TTLL4: variants seen among roughly 807,000 people sequenced by gnomAD.
TTLL4 encodes tubulin tyrosine ligase like 4, also known as tubulin monoglutamylase TTLL4.
In TTLL4, 85 loss-of-function variants were observed where a neutral mutation model predicts 122.7. The ratio of observed to expected loss-of-function variants is 0.69; its 90% CI spans 0.58 to 0.83. The LOEUF is 0.83. Among genes scored for constraint, TTLL4 ranks in the 40% least tolerant of loss-of-function variants. TTLL4 has a pLI of 0.00. For synonymous variants in TTLL4, 553 were observed against 563.0 expected (o/e 0.98, Z 0.25); for missense variants, 1,363 against 1,488.6 (o/e 0.92, Z 1.39).
downstream of TTLL4, among the ~76,000 whole-genome samples, chr2:218,758,676 C>T (rs1943192416): frequency 6.6e-6 from 1 of 152,142 alleles, no homozygotes; most frequent in Admixed American, 6.6e-5. Flanking sequence ...GTGGCTCAAA[C>T]TTAAAAGATT....
Position 218,737,700 on chromosome 2 carries a change from C to T in TTLL4, c.24C>T (p.His8=). The T allele has an allele frequency of 1.2e-6, 2 of 1,609,916 alleles. No individual in the cohort carries two copies. The highest frequency in any genetic ancestry group is 1.7e-6 in the Non-Finnish European group (2 of 1,177,890). The change falls in exon 3 of 20, where the codon CAC becomes CAT. Residue 8 remains histidine, a synonymous_variant. Coordinates refer to ENST00000392102, the MANE Select transcript of TTLL4 (RefSeq NM_014640.5). Reference sequence around the variant, plus strand: ...TCATGGCCTCAGCAGGAACACAGCACTATAGTATTGGCCTCCGCCAGAAAA... The same window carrying T: ...TCATGGCCTCAGCAGGAACACAGCATTATAGTATTGGCCTCCGCCAGAAAA... MASAGTQ[H]YSIGLRQKNS...
At position 218,745,149 on chromosome 2, in the gene TTLL4, G is replaced by A. The variant is rs1330097384; in HGVS notation, c.1702G>A (p.Glu568Lys). The change falls in exon 6 of 20, where the codon GAG becomes AAG. Residue 568 changes from glutamate (E) to lysine (K), a missense_variant. Coordinates refer to ENST00000392102, the MANE Select transcript of TTLL4 (RefSeq NM_014640.5). ...TCTGACCAAACCCCTTTCCAATCAT[G>A]AGAAAGTTGTCCGACCAGCCCTCAT... Reference protein sequence around the residue: ...EILTKPLSNHEKVVRPALIYS... With the variant: ...EILTKPLSNHKKVVRPALIYS... 1 of 1,613,908 alleles carries A rather than the reference G, an allele frequency of 6.2e-7. No homozygotes were observed. The highest frequency in any genetic ancestry group is 1.1e-5 in the South Asian group (1 of 91,082).
At chr2:218,714,761 A>G (rs1941810193) in intron 1 of TTLL4, among the ~76,000 whole-genome samples, 4 of 151,918 alleles carry the variant, frequency 2.6e-5, no homozygotes, top group Middle Eastern at 3.4e-3. Flanking sequence ...ATATATTTCA[A>G]TATTCAATTT....
At chr2:218,711,249 C>T (rs113694934) in intron 1 of TTLL4, among the ~76,000 whole-genome samples, 1,776 of 152,322 alleles carry the variant, frequency 0.012, 35 homozygotes, top group African/African-American at 0.04. Flanking sequence ...TCCTCGGAGC[C>T]CTTCTCCTCT....
Position 218,737,699 on chromosome 2 carries a change from A to G in TTLL4, c.23A>G (p.His8Arg), listed in dbSNP as rs757483368. ...CTCATGGCCTCAGCAGGAACACAGCACTATAGTATTGGCCTCCGCCAGAAA... is the reference window on the plus strand; with the variant it reads ...CTCATGGCCTCAGCAGGAACACAGCGCTATAGTATTGGCCTCCGCCAGAAA... MASAGTQ[H>R]YSIGLRQKNS... Residue 8 changes from histidine (H) to arginine (R), a missense_variant, in exon 3 of 20, where the codon CAC becomes CGC. By Grantham distance (29) the His-to-Arg change is conservative. Coordinates refer to ENST00000392102, the MANE Select transcript of TTLL4 (RefSeq NM_014640.5). 3.1e-6 allele frequency: 5 copies of G among 1,609,278 alleles called. No homozygotes were observed. Among genetic ancestry groups the G allele is most frequent in the African/African-American group, 2.7e-5 (2 of 74,820 alleles).
Position 218,753,663 on chromosome 2 carries a change from A to G in TTLL4, c.3338A>G (p.Lys1113Arg). Residue 1113 changes from lysine (K) to arginine (R), a missense_variant, in exon 19 of 20, where the codon AAG becomes AGG. This residue lies in a region of TTLL4 where 596 missense variants were observed against 655.8 expected (regional missense o/e 0.91). Transcript: ENST00000392102. ...GCCTTCAGCAAATCAGAGACTAGCA[A>G]GCTGGGGTGAGTGCTGCCTGGGCAA... ...LNAFSKSETS[K>R]LGKQSSCEVS... 6.2e-7 allele frequency: 1 copy of G among 1,614,046 alleles called. No individual in the cohort carries two copies. The highest frequency in any genetic ancestry group is 8.5e-7 in the Non-Finnish European group (1 of 1,180,022).
chr2:218,748,654 C>CAAAAAAAA, intron 12 of TTLL4, 182 bp from the exon 13 acceptor site: 2 of 229,610 alleles, frequency 8.7e-6, no homozygotes, highest in Non-Finnish European at 7.7e-6. Context: ...AACTCCATCT[C>CAAAAAAAA]AAAAAAAAAA....
intron 17 of TTLL4, 54 bp from the exon 18 acceptor site, chr2:218,753,061 T>C (rs943985844): frequency 3.1e-6 from 5 of 1,612,856 alleles, no homozygotes; most frequent in East Asian, 2.2e-5. Context: ...CTGGAAAGAA[T>C]TGGCCAATTG....
chr2:218,717,906 C>T (rs1200467344), intron 1 of TTLL4, among the ~76,000 whole-genome samples: 1 of 151,996 alleles, frequency 6.6e-6, no homozygotes, highest in Non-Finnish European at 1.5e-5. Flanking sequence ...TCAGGCCATT[C>T]TCCTGCCTCA....
chr2:218,745,164 C>T lies in TTLL4; in HGVS notation c.1717C>T (p.Pro573Ser), dbSNP rs1942805901. 1 of 1,614,136 alleles carries T rather than the reference C, an allele frequency of 6.2e-7. No homozygotes were observed. The highest frequency in any genetic ancestry group is 2.2e-5 in the East Asian group (1 of 44,880). ...PLSNHEKVVRPALIYSLFPNV... is the reference protein window; with the variant it reads ...PLSNHEKVVRSALIYSLFPNV... ...TTCCAATCATGAGAAAGTTGTCCGACCAGCCCTCATCTACAGTCTCTTTCC... is the reference window on the plus strand; with the variant it reads ...TTCCAATCATGAGAAAGTTGTCCGATCAGCCCTCATCTACAGTCTCTTTCC... Residue 573 changes from proline (P) to serine (S), a missense_variant, in exon 6 of 20, where the codon CCA (proline) becomes TCA (serine). Around this residue, in one of 3 missense-constraint regions of TTLL4, gnomAD observed 760 missense variants for 808.4 expected, o/e 0.94. Transcript: ENST00000392102.
At chr2:218,719,198 C>T (rs1941960499) in intron 1 of TTLL4, among the ~76,000 whole-genome samples, 1 of 152,108 alleles carries the variant, frequency 6.6e-6, no homozygotes, top group Admixed American at 6.5e-5. Context: ...GGAGGCCAAA[C>T]TGGACCAGGG....
chr2:218,740,055 T>C lies in TTLL4; in HGVS notation c.1488-3T>C, dbSNP rs1942654635. 1 of 1,613,836 alleles carries C rather than the reference T, an allele frequency of 6.2e-7. No individual in the cohort carries two copies. The highest frequency in any genetic ancestry group is 1.1e-5 in the South Asian group (1 of 91,056). On this transcript the variant is annotated splice_polypyrimidine_tract_variant and splice_region_variant and intron_variant, in intron 3 of 19. Transcript: ENST00000392102. ...AGGCTGGGGGCATGATTCTTTCTTT[T>C]AGTTCAGCTACTGACCTCCAGCCAG... is the stretch of plus-strand genomic sequence containing the variant.
At chr2:218,753,015 G>A (rs761307335) in intron 17 of TTLL4, 42 bp downstream of exon 17, 2 of 1,613,916 alleles carry the variant, frequency 1.2e-6, no homozygotes, top group South Asian at 1.1e-5. Context: ...AGTTTAGTGA[G>A]AGATTAAATC....
chr2:218,732,595 C>T (rs1186654025), intron 2 of TTLL4, among the ~76,000 whole-genome samples: 7 of 152,192 alleles, frequency 4.6e-5, no homozygotes, highest in Non-Finnish European at 7.3e-5. Flanking sequence ...TGGACTTTGA[C>T]TTTATGGCAG....
downstream of TTLL4, among the ~76,000 whole-genome samples, chr2:218,757,917 C>G (rs951492349): frequency 3.9e-5 from 6 of 152,174 alleles, no homozygotes; most frequent in Admixed American, 6.5e-5. Context: ...TCGAATCCCC[C>G]AACTGCTGTG....
At chr2:218,745,630 C>A in intron 6 of TTLL4, 61 bp from the exon 7 acceptor site, 1 of 1,156,868 alleles carries the variant, frequency 8.6e-7, no homozygotes, top group Non-Finnish European at 1.3e-6. Flanking sequence ...TTTTTGTCTT[C>A]TCATCATGAC....
At chr2:218,722,329 A>T (rs1006088354) in intron 1 of TTLL4, among the ~76,000 whole-genome samples, 8 of 150,138 alleles carry the variant, frequency 5.3e-5, no homozygotes, top group East Asian at 1.9e-4. Flanking sequence ...GGTAGTTTTT[A>T]AAAAAATTAC....
At chr2:218,756,343 G>A (rs1299908243), downstream of TTLL4, among the ~76,000 whole-genome samples, 1 of 152,176 alleles carries the variant, frequency 6.6e-6, no homozygotes, top group Non-Finnish European at 1.5e-5. Flanking sequence ...ATTGGGGGAA[G>A]CATGGTGGGG....
intron 2 of TTLL4, among the ~76,000 whole-genome samples, chr2:218,733,844 G>A (rs1942444948): frequency 6.6e-6 from 1 of 152,200 alleles, no homozygotes; most frequent in African/African-American, 2.4e-5. Context: ...GTGGGATGTA[G>A]CAAGGCAAAC....
Sources: gnomAD v4.1 joint callset for allele counts (sites outside exome capture counted in the v4.1 genomes callset) on GRCh38, gnomAD v4.1.1 for gene constraint, gnomAD v4.1.1 regional missense constraint, MANE v1.5 for transcripts, NCBI Gene and HGNC (gene_info 2026-07-23, HGNC 2026-07-21) for gene names.